MED13L: variants seen among roughly 807,000 people sequenced by gnomAD.
MED13L encodes the protein mediator of RNA polymerase II transcription subunit 13-like.
Under a neutral mutation model 220.9 loss-of-function variants are expected in MED13L, and 7 were observed. The observed-to-expected ratio is 0.03, with a 90% CI of 0.02 to 0.06. The LOEUF is 0.06. Among genes scored for constraint, MED13L ranks in the 10% least tolerant of loss-of-function variants. The pLI, the probability that MED13L is intolerant of heterozygous loss-of-function variation, is 1.00. For missense variants in MED13L, 1,965 were observed against 2,760.5 expected (o/e 0.71, Z 6.46); for synonymous variants, 1,011 against 1,015.2 (o/e 1.00, Z 0.08).
rs534407055 is a variant in MED13L at position 116,191,978 on chromosome 12, TATTA to T, written c.310+45486_310+45489del. Among the ~76,000 whole-genome samples the T allele has an allele frequency of 3.3e-3, 504 of 152,334 alleles. 3 individuals are homozygous for T. Among genetic ancestry groups the T allele is most frequent in the Non-Finnish European group, 4.5e-3 (307 of 68,022 alleles). On this transcript the variant is annotated intron_variant, in intron 2 of 30. Transcript: ENST00000281928. Reference sequence around the variant, plus strand: ...TTAATTTTTATTCTACCTAAAATGGTATTAATTATCTTAATGACAATAGAATGTA... The same window carrying T: ...TTAATTTTTATTCTACCTAAAATGGTATTATCTTAATGACAATAGAATGTA...
chr12:116,170,022 T>C (rs1200274609), intron 2 of MED13L, among the ~76,000 whole-genome samples: 1 of 152,026 alleles, frequency 6.6e-6, no homozygotes, highest in Non-Finnish European at 1.5e-5. Context: ...GCCTCATAAA[T>C]AAACAAACAA....
At chr12:116,248,667 A>AT (rs1405662021) in intron 1 of MED13L, among the ~76,000 whole-genome samples, 1 of 152,248 alleles carries the variant, frequency 6.6e-6, no homozygotes, top group African/African-American at 2.4e-5. Context: ...TGTCCCATTT[A>AT]TTTGCATATT....
intron 19 of MED13L, 73 bp downstream of exon 19, chr12:115,986,193 G>T: frequency 7.0e-7 from 1 of 1,426,146 alleles, no homozygotes; most frequent in South Asian, 1.2e-5. Flanking sequence ...CATTTGTCTT[G>T]AAATTTAGTC....
At chr12:116,156,729 T>C (rs1164256657) in intron 2 of MED13L, among the ~76,000 whole-genome samples, 1 of 152,152 alleles carries the variant, frequency 6.6e-6, no homozygotes, top group Non-Finnish European at 1.5e-5. Flanking sequence ...AATTAGAGGA[T>C]ATATAACTAA....
intron 4 of MED13L, among the ~76,000 whole-genome samples, chr12:116,027,547 T>C (rs1480199411): frequency 6.6e-6 from 1 of 152,174 alleles, no homozygotes; most frequent in Non-Finnish European, 1.5e-5. Context: ...TGTGGGATCA[T>C]GTGTCACACA....
In MED13L at chr12:116,007,645, C is replaced by CACA; in HGVS notation, c.2013-10_2013-9insTGT. The stretch of plus-strand genomic sequence containing the variant: ...TAGGTTGTGCTAAGAGTCTAAAAGA[C>CACA]AAAAAAAAAAAAAAAAAAAAGAGCA... On this transcript the variant is annotated splice_polypyrimidine_tract_variant and intron_variant, in intron 10 of 30. Coordinates refer to ENST00000281928, the MANE Select transcript of MED13L (RefSeq NM_015335.5). The CACA allele has an allele frequency of 1.3e-6, 1 of 754,812 alleles. No homozygotes were observed. Among genetic ancestry groups the CACA allele is most frequent in the Non-Finnish European group, 1.8e-6 (1 of 547,204 alleles). The allele number at this position is 754,812 out of a possible 1,614,324, so 46.8% of individuals were successfully genotyped here.
At chr12:116,072,908 T>C (rs1406722718) in intron 4 of MED13L, among the ~76,000 whole-genome samples, 1 of 152,184 alleles carries the variant, frequency 6.6e-6, no homozygotes, top group Non-Finnish European at 1.5e-5. Context: ...ATTAGGTTCG[T>C]TTGTTAAAAA....
At chr12:116,243,812 T>C (rs1221287414) in intron 1 of MED13L, among the ~76,000 whole-genome samples, 1 of 152,108 alleles carries the variant, frequency 6.6e-6, no homozygotes, top group African/African-American at 2.4e-5. Context: ...CATTTACCTA[T>C]GTGATGTTAG....
At chr12:116,202,400 AAAAGAT>A (rs1353880700) in intron 2 of MED13L, among the ~76,000 whole-genome samples, 3 of 152,222 alleles carry the variant, frequency 2.0e-5, no homozygotes, top group African/African-American at 4.8e-5. Flanking sequence ...AAGATTTTTT[AAAAGAT>A]AAAGAAAAAC....
At chr12:116,121,759 C>T (rs182544728) in intron 2 of MED13L, among the ~76,000 whole-genome samples, 1 of 152,264 alleles carries the variant, frequency 6.6e-6, no homozygotes, top group African/African-American at 2.4e-5. Flanking sequence ...TTACTCCCAC[C>T]TACTGCTTTT....
Position 115,966,157 on chromosome 12 carries a change from G to C in MED13L, c.6312C>G (p.Ala2104=), listed in dbSNP as rs1220665489. 2.5e-6 allele frequency: 4 copies of C among 1,614,000 alleles called. No homozygotes were observed. Among genetic ancestry groups the C allele is most frequent in the Non-Finnish European group, 3.4e-6 (4 of 1,180,026 alleles). The change falls in exon 29 of 31, where the codon GCC becomes GCG. Residue 2104 remains alanine (A), a synonymous_variant. Coordinates refer to ENST00000281928, the MANE Select transcript of MED13L (RefSeq NM_015335.5). ...PLALGYFVST[A]KAENLPQWFW... is the part of the protein sequence containing the mutation. ...ACCACTGGGGAAGATTCTCAGCTTT[G>C]GCAGTTGATACAAAATACCCAAGGG...
chr12:116,005,993 T>C lies in MED13L; in HGVS notation c.2345A>G (p.Asp782Gly). ...GCCAGCAGCATTATCCTGCCGGACA[T>C]CTGTAGGAAAGGAGGCAAAAGACAC... ...MSIFSSATKT[D>G]VRQDNAAGRA... Residue 782 changes from aspartate to glycine, a missense_variant and splice_region_variant, in exon 13 of 31, where the codon GAT becomes GGT. Physicochemically the swap from Asp to Gly is moderately conservative, Grantham distance 94 (BLOSUM62 -1). This residue lies in a region of MED13L where 818 missense variants were observed against 1,041.2 expected (regional missense o/e 0.79). Coordinates refer to ENST00000281928, the MANE Select transcript of MED13L (RefSeq NM_015335.5). The C allele has an allele frequency of 6.2e-7, 1 of 1,613,890 alleles. No individual in the cohort carries two copies. The highest frequency in any genetic ancestry group is 1.3e-5 in the African/African-American group (1 of 74,996).
At chr12:116,022,684 C>G in intron 4 of MED13L, 83 bp from the exon 5 acceptor site, 1 of 1,430,716 alleles carries the variant, frequency 7.0e-7, no homozygotes, top group Non-Finnish European at 9.6e-7. Flanking sequence ...TAAGATACAG[C>G]TCTACTTTAT....
At chr12:115,984,780 T>A (rs946284805) in intron 19 of MED13L, among the ~76,000 whole-genome samples, 1 of 152,074 alleles carries the variant, frequency 6.6e-6, no homozygotes, top group African/African-American at 2.4e-5. Flanking sequence ...AAGATAACAT[T>A]AAAATTTTAT....
chr12:116,194,337 G>C (rs1266818895), intron 2 of MED13L, among the ~76,000 whole-genome samples: 1 of 151,958 alleles, frequency 6.6e-6, no homozygotes, highest in Non-Finnish European at 1.5e-5. Context: ...AGCTAATTTT[G>C]TATTTTTAGT....
chr12:116,089,935 G>A (rs1230270385), intron 4 of MED13L, among the ~76,000 whole-genome samples: 1 of 152,138 alleles, frequency 6.6e-6, no homozygotes, highest in Non-Finnish European at 1.5e-5. Context: ...CAGAGGATAA[G>A]ACATTCCTTT....
intron 4 of MED13L, among the ~76,000 whole-genome samples, chr12:116,056,703 T>A (rs1869004448): frequency 6.6e-6 from 1 of 152,212 alleles, no homozygotes; most frequent in South Asian, 2.1e-4. Flanking sequence ...GAATAAAGAA[T>A]CATCATCAGA....
chr12:115,977,050 C>G (rs1468485095), intron 23 of MED13L, among the ~76,000 whole-genome samples: 1 of 152,176 alleles, frequency 6.6e-6, no homozygotes, highest in Non-Finnish European at 1.5e-5. Context: ...GTAGTCCCAG[C>G]TACTTGGGAG....
intron 2 of MED13L, among the ~76,000 whole-genome samples, chr12:116,197,916 T>A (rs1490163591): frequency 6.6e-6 from 1 of 152,230 alleles, no homozygotes; most frequent in East Asian, 1.9e-4. Flanking sequence ...CCATTTCTTT[T>A]GTAGAAAGCC....
Sources: gnomAD v4.1 joint callset for allele counts (sites outside exome capture counted in the v4.1 genomes callset) on GRCh38, gnomAD v4.1.1 for gene constraint, gnomAD v4.1.1 regional missense constraint, MANE v1.5 for transcripts, NCBI Gene and HGNC (gene_info 2026-07-23, HGNC 2026-07-21) for gene names.